TRIP11: variants seen among roughly 807,000 people sequenced by gnomAD.
The protein encoded by TRIP11 is thyroid receptor-interacting protein 11.
A neutral mutation model predicts 223.1 loss-of-function variants in TRIP11; 148 were observed. That is an observed-to-expected ratio of 0.66 (90% confidence interval 0.58 to 0.76). The LOEUF is 0.76. Ranked by LOEUF, TRIP11 falls within the 30% of genes least tolerant of loss-of-function variation. The pLI is 0.00. For synonymous variants in TRIP11, 762 were observed against 772.6 expected (o/e 0.99, Z 0.23); for missense variants, 2,043 against 2,222.0 (o/e 0.92, Z 1.62).
At position 92,014,465 on chromosome 14, in the gene TRIP11, C is replaced by T. The variant is rs753799488; in HGVS notation, c.936G>A (p.Glu312=). 11 of 1,595,894 alleles carry T rather than the reference C, an allele frequency of 6.9e-6. No homozygotes were observed. The South Asian group carries it at 1.2e-4, about 17-fold the overall frequency. ...VESTKKMEQL[E]DKIKDINKKL... ...TTTTATTTATATCTTTTATTTTATC[C>T]TCAAGTTGTTCCATTTTTTTGGTAG... Residue 312 remains glutamate, a synonymous_variant, in exon 7 of 21, where the codon GAG becomes GAA. Transcript: ENST00000267622.
intron 2 of TRIP11, among the ~76,000 whole-genome samples, chr14:92,029,186 A>T (rs1432783653): frequency 1.3e-5 from 2 of 152,098 alleles, no homozygotes; most frequent in African/African-American, 4.8e-5. Flanking sequence ...TTTAAAAATG[A>T]CAATAACAAG....
intron 16 of TRIP11, among the ~76,000 whole-genome samples, chr14:91,980,521 C>T (rs2056524717): frequency 6.6e-6 from 1 of 152,202 alleles, no homozygotes; most frequent in Admixed American, 6.5e-5. Flanking sequence ...ATAGAATCAA[C>T]TGAATGATCA....
chr14:92,025,428 A>C lies in TRIP11; in HGVS notation c.202-8T>G. ...TTTCTTAAGCCTTTCATTCTAGAAA[A>C]AAAAAGTATTTTCAACAAAAAGACT... is the stretch of plus-strand genomic sequence containing the variant. On this transcript the variant is annotated splice_region_variant and splice_polypyrimidine_tract_variant and intron_variant, in intron 2 of 20. Transcript: ENST00000267622. The C allele has an allele frequency of 3.7e-6, 6 of 1,604,748 alleles. No individual in the cohort carries two copies. The highest frequency in any genetic ancestry group is 5.1e-6 in the Non-Finnish European group (6 of 1,173,856).
At chr14:91,996,052 G>A (rs1010034305) in intron 13 of TRIP11, among the ~76,000 whole-genome samples, 2 of 152,012 alleles carry the variant, frequency 1.3e-5, no homozygotes, top group African/African-American at 2.4e-5. Flanking sequence ...CAGTTCAGTG[G>A]CACTAAGTAC....
At position 92,004,962 on chromosome 14, in the gene TRIP11, T is replaced by A. The variant is rs1417543171; in HGVS notation, c.3014A>T (p.Glu1005Val). The A allele has an allele frequency of 5.6e-6, 9 of 1,613,900 alleles. No homozygotes were observed. The highest frequency in any genetic ancestry group is 5.0e-5 in the Admixed American group (3 of 59,978). ...TAAATCATGCTTTTCACTTCCATTT[T>A]CTATATTAAGGCTCTGAACTTTTGT... ...QETKVQSLNI[E>V]NGSEKHDLSK... Residue 1005 changes from glutamate to valine, a missense_variant, in exon 11 of 21, where the codon GAA (glutamate) becomes GTA (valine). Coordinates refer to ENST00000267622, the MANE Select transcript of TRIP11 (RefSeq NM_004239.4).
chr14:91,976,574 T>TTA (rs1449104583), intron 16 of TRIP11, among the ~76,000 whole-genome samples: 2 of 152,220 alleles, frequency 1.3e-5, no homozygotes, highest in African/African-American at 4.8e-5. Flanking sequence ...AGGACTTTAA[T>TTA]ATTTTCCTTT....
At position 92,015,669 on chromosome 14, in the gene TRIP11, T is replaced by A. The variant is rs562619237; in HGVS notation, c.823+27A>T. On this transcript the variant is annotated intron_variant, in intron 6 of 20. Transcript: ENST00000267622. ...GGAGACTCCATCTCAAAAAAAATAA[T>A]AATAATAAAGAAATAAAACTAATAA... The A allele has an allele frequency of 1.9e-6, 3 of 1,550,038 alleles. No homozygotes were observed. In the African/African-American group the frequency reaches 4.2e-5, roughly 22 times the overall value.
rs750898619 is a variant in TRIP11 at position 92,021,544 on chromosome 14, AT to A, written c.588+11del. 33 of 1,613,512 alleles carry A rather than the reference AT, an allele frequency of 2.0e-5. No homozygotes were observed. The African/African-American group carries it at 3.6e-4, about 18-fold the overall frequency. ...TCAAAGTTTTCAAAAACTCTAAAAA[AT>A]TTTTATCTACCTGAGCAATATGCCT... On this transcript the variant is annotated intron_variant, in intron 4 of 20. Coordinates refer to ENST00000267622, the MANE Select transcript of TRIP11 (RefSeq NM_004239.4).
intron 13 of TRIP11, 104 bp from the exon 14 acceptor site, chr14:91,995,619 C>CT (rs34736578): frequency 0.029 from 26,637 of 903,806 alleles, 2 homozygotes; most frequent in Middle Eastern, 0.034. Flanking sequence ...TATTTTATTT[C>CT]TTTTTTTTTT....
chr14:92,017,175 A>G (rs149200274), intron 5 of TRIP11, among the ~76,000 whole-genome samples: 136 of 152,294 alleles, frequency 8.9e-4, no homozygotes, highest in Non-Finnish European at 1.4e-3. Flanking sequence ...ATAAATGTTC[A>G]AAACCAAATG....
chr14:91,992,908 CAAAAAAAAAAA>C (rs550702989), intron 15 of TRIP11, among the ~76,000 whole-genome samples: 187 of 29,234 alleles, frequency 6.4e-3, no homozygotes, highest in Non-Finnish European at 0.012. Flanking sequence ...GACTCCGTCT[CAAAAAAAAAAA>C]AAAAAAAAAA....
intron 8 of TRIP11, 71 bp from the exon 9 acceptor site, chr14:92,011,143 T>C: frequency 7.6e-7 from 1 of 1,318,960 alleles, no homozygotes; most frequent in Non-Finnish European, 1.1e-6. Context: ...TGGCAATCTA[T>C]ACAATTGTGT....
intron 12 of TRIP11, 102 bp from the exon 13 acceptor site, chr14:91,999,535 G>A (rs2056794994): frequency 8.0e-7 from 1 of 1,252,090 alleles, no homozygotes; most frequent in South Asian, 1.3e-5. Flanking sequence ...GATATTAATT[G>A]TATACCAATT....
chr14:92,001,908 G>A (rs1313285978), intron 11 of TRIP11, among the ~76,000 whole-genome samples: 3 of 152,154 alleles, frequency 2.0e-5, no homozygotes, highest in African/African-American at 7.2e-5. Context: ...CTGATAATCA[G>A]TGTGCCTACT....
chr14:91,989,127 T>C (rs1325070835), intron 15 of TRIP11, among the ~76,000 whole-genome samples: 2 of 152,222 alleles, frequency 1.3e-5, no homozygotes, highest in African/African-American at 4.8e-5. Flanking sequence ...AATGTAAATG[T>C]AGTCTTCCAG....
intron 11 of TRIP11, among the ~76,000 whole-genome samples, chr14:92,001,641 T>C (rs2056828583): frequency 6.6e-6 from 1 of 152,188 alleles, no homozygotes; most frequent in African/African-American, 2.4e-5. Flanking sequence ...GTGTTAATAA[T>C]ATCTGCACAC....
intron 2 of TRIP11, among the ~76,000 whole-genome samples, chr14:92,032,479 A>G (rs1313128380): frequency 2.1e-5 from 3 of 143,542 alleles, no homozygotes. Flanking sequence ...ACTTTTTTGT[A>G]TCCAAATATT....
chr14:91,968,746 A>G lies in TRIP11; in HGVS notation c.*927T>C, dbSNP rs1340313300. The G allele has an allele frequency of 1.3e-5, 3 of 229,014 alleles. No homozygotes were observed. Among genetic ancestry groups the G allele is most frequent in the Non-Finnish European group, 2.6e-5 (3 of 114,736 alleles). 14.2% of individuals were successfully genotyped at this position (229,014 alleles called of 1,614,324 possible). A position where few individuals can be genotyped will look rare whatever the true frequency, so the allele number is the denominator to read the frequency against. ...TCTCAAGGGAATTATGCTGAGTGAA[A>G]AAAAGCCAGTCTCAAGAGGGTATAT... is the stretch of plus-strand genomic sequence containing the variant. On this transcript the variant is annotated 3_prime_UTR_variant, in exon 21 of 21. Coordinates refer to ENST00000267622, the MANE Select transcript of TRIP11 (RefSeq NM_004239.4).
At chr14:92,020,728 A>C (rs1016896109) in intron 4 of TRIP11, among the ~76,000 whole-genome samples, 2 of 151,946 alleles carry the variant, frequency 1.3e-5, no homozygotes, top group Non-Finnish European at 2.9e-5. Flanking sequence ...ACAGAAAGGG[A>C]AACTCAGACT....
Sources: allele counts gnomAD v4.1 joint callset (sites outside exome capture counted in the v4.1 genomes callset), GRCh38; gene constraint gnomAD v4.1.1; transcripts MANE v1.5; gene names NCBI Gene and HGNC (gene_info 2026-07-23, HGNC 2026-07-21).